The following SGMS1 variants were observed in gnomAD, a reference collection of about 807,000 sequenced individuals.
SGMS1 encodes sphingomyelin synthase 1, also known as phosphatidylcholine:ceramide cholinephosphotransferase 1.
A neutral mutation model predicts 46.2 loss-of-function variants in SGMS1; 13 were observed. The ratio of observed to expected loss-of-function variants is 0.28; its 90% CI spans 0.18 to 0.45. The LOEUF (loss-of-function observed/expected upper bound fraction) is 0.45. Among genes scored for constraint, SGMS1 ranks in the 20% least tolerant of loss-of-function variants. The pLI, the probability that SGMS1 is intolerant of heterozygous loss-of-function variation, is 1.00. For missense variants in SGMS1, 324 were observed against 519.9 expected, an observed-to-expected ratio of 0.62 and a Z score of 3.66; for synonymous variants, 203 against 187.8, an observed-to-expected ratio of 1.08 and a Z score of -0.66.
At chr10:50,455,004 T>A (rs1280166843) in intron 5 of SGMS1, among the ~76,000 whole-genome samples, 1 of 152,206 alleles carries the variant, frequency 6.6e-6, no homozygotes, top group Non-Finnish European at 1.5e-5. Context: ...CTTGTCTCCC[T>A]GAAGACCCTG....
At chr10:50,548,363 A>G (rs1838119146) in intron 2 of SGMS1, among the ~76,000 whole-genome samples, 1 of 152,228 alleles carries the variant, frequency 6.6e-6, no homozygotes, top group Non-Finnish European at 1.5e-5. Context: ...AAAAACAGAC[A>G]CATAAACTAA....
At chr10:50,538,150 G>A (rs1838020071) in intron 2 of SGMS1, among the ~76,000 whole-genome samples, 1 of 117,128 alleles carries the variant, frequency 8.5e-6, no homozygotes, top group African/African-American at 3.3e-5. Flanking sequence ...TGGATAAGAT[G>A]CAGATAAAAC....
Position 50,623,714 on chromosome 10 carries a change from G to A in SGMS1, c.-691C>T. 1 of 985,416 alleles carries A rather than the reference G, an allele frequency of 1.0e-6. No homozygotes were observed. Among genetic ancestry groups the A allele is most frequent in the South Asian group, 4.7e-5 (1 of 21,292 alleles). 61.0% of individuals were successfully genotyped at this position (985,416 alleles called of 1,614,324 possible). On this transcript the variant is annotated 5_prime_UTR_variant, in exon 1 of 11. Transcript: ENST00000361781. Reference sequence around the variant, plus strand: ...CCCTGCCCCACGACTCACTTGCACTGGAGTCACGGCAGCCGCCGGAATTCC... The same window carrying A: ...CCCTGCCCCACGACTCACTTGCACTAGAGTCACGGCAGCCGCCGGAATTCC...
chr10:50,533,966 C>T (rs1045486691), intron 2 of SGMS1, among the ~76,000 whole-genome samples: 2 of 152,160 alleles, frequency 1.3e-5, no homozygotes, highest in Non-Finnish European at 2.9e-5. Context: ...AGAAGGATCA[C>T]TTGAGCCCAG....
intron 5 of SGMS1, among the ~76,000 whole-genome samples, chr10:50,444,451 C>T (rs892530725): frequency 3.3e-5 from 5 of 152,168 alleles, no homozygotes; most frequent in Non-Finnish European, 2.9e-5. Flanking sequence ...TAGACACACA[C>T]ATATACGACC....
chr10:50,612,108 C>T (rs1218428123), intron 1 of SGMS1, among the ~76,000 whole-genome samples: 2 of 152,196 alleles, frequency 1.3e-5, no homozygotes, highest in Non-Finnish European at 2.9e-5. Flanking sequence ...CCATCCTGCC[C>T]CAGGGCTTTT....
intron 8 of SGMS1, among the ~76,000 whole-genome samples, chr10:50,313,460 C>A (rs1232289591): frequency 6.6e-6 from 1 of 152,164 alleles, no homozygotes; most frequent in Non-Finnish European, 1.5e-5. Context: ...GGAAAAGGCG[C>A]TGTTGGGGTC....
intron 6 of SGMS1, among the ~76,000 whole-genome samples, chr10:50,384,388 TC>T (rs1341698249): frequency 1.3e-5 from 2 of 149,658 alleles, no homozygotes; most frequent in East Asian, 1.9e-4. Flanking sequence ...TTTCTTTTTC[TC>T]TCTCTCTCTC....
intron 2 of SGMS1, among the ~76,000 whole-genome samples, chr10:50,559,890 A>G (rs1441230210): frequency 2.0e-5 from 3 of 152,022 alleles, no homozygotes; most frequent in African/African-American, 7.2e-5. Flanking sequence ...AACATCTAAC[A>G]CCTCTTCTTT....
In SGMS1 at chr10:50,575,351, C is replaced by T. The variant is rs766053946; in HGVS notation, c.-589+14802G>A. ...GGTGGATCACATGAGGCCAGGAGTT[C>T]GAGACCAGCCTAGGCAGCCTAGCAA... On this transcript the variant is annotated intron_variant, in intron 2 of 10. Coordinates refer to ENST00000361781, the MANE Select transcript of SGMS1 (RefSeq NM_147156.4). Among the ~76,000 whole-genome samples, 10 of 152,042 alleles carry T rather than the reference C, an allele frequency of 6.6e-5. No homozygotes were observed. The South Asian group carries it at 1.0e-3, about 16-fold the overall frequency.
At chr10:50,412,195 T>C (rs913224807) in intron 6 of SGMS1, among the ~76,000 whole-genome samples, 2 of 152,158 alleles carry the variant, frequency 1.3e-5, no homozygotes, top group African/African-American at 4.8e-5. Flanking sequence ...TCAAGTCACA[T>C]GTTTATGTGA....
chr10:50,464,667 C>T (rs1837308691), intron 4 of SGMS1, among the ~76,000 whole-genome samples: 1 of 152,242 alleles, frequency 6.6e-6, no homozygotes, highest in Non-Finnish European at 1.5e-5. Flanking sequence ...CTCCTGACTT[C>T]AAGTGATTTG....
intron 3 of SGMS1, among the ~76,000 whole-genome samples, chr10:50,478,999 C>G (rs1481055586): frequency 3.6e-5 from 5 of 137,670 alleles, no homozygotes; most frequent in Non-Finnish European, 6.7e-5. Context: ...CCATCCACCC[C>G]CCAACCAGTT....
intron 5 of SGMS1, among the ~76,000 whole-genome samples, chr10:50,457,473 C>T (rs562071026): frequency 6.6e-6 from 1 of 152,082 alleles, no homozygotes; most frequent in South Asian, 2.1e-4. Context: ...GTTTGTTACA[C>T]GGGTAGGTTG....
chr10:50,600,612 A>G (rs7903649), intron 1 of SGMS1, among the ~76,000 whole-genome samples: 100,092 of 152,154 alleles, frequency 0.66, 33,359 homozygotes, highest in Middle Eastern at 0.68. Flanking sequence ...AGCAGATGCC[A>G]AATTGATGGA....
intron 2 of SGMS1, among the ~76,000 whole-genome samples, chr10:50,581,995 C>T (rs1287095111): frequency 6.6e-6 from 1 of 152,248 alleles, no homozygotes; most frequent in African/African-American, 2.4e-5. Context: ...TGCAAGGAAA[C>T]AGCAACCGCA....
intron 6 of SGMS1, among the ~76,000 whole-genome samples, chr10:50,401,271 C>T (rs888081938): frequency 6.6e-6 from 1 of 152,166 alleles, no homozygotes; most frequent in African/African-American, 2.4e-5. Flanking sequence ...TCAGTGGCCA[C>T]CCTCTTAATC....
At position 50,408,257 on chromosome 10, in the gene SGMS1, G is replaced by C. The variant is rs947605346; in HGVS notation, c.-232+25219C>G. On this transcript the variant is annotated intron_variant, in intron 6 of 10. Transcript: ENST00000361781. ...TTGGCAGGGAACAAGTAGGTATAGA[G>C]AAAAGCAACATAGAAATACTAGCCC... is the stretch of plus-strand genomic sequence containing the variant. 6.6e-5 allele frequency among the ~76,000 whole-genome samples: 10 copies of C among 151,932 alleles called. 1 individual carries two copies. Among genetic ancestry groups the C allele is most frequent in the African/African-American group, 2.2e-4 (9 of 41,368 alleles).
At chr10:50,320,165 A>G (rs1330508216) in intron 8 of SGMS1, among the ~76,000 whole-genome samples, 4 of 152,002 alleles carry the variant, frequency 2.6e-5, no homozygotes, top group South Asian at 2.1e-4. Context: ...CACCTTCCCA[A>G]TGCCTCCCAA....
Sources: gnomAD v4.1 joint callset for allele counts (sites outside exome capture counted in the v4.1 genomes callset) on GRCh38, gnomAD v4.1.1 for gene constraint, MANE v1.5 for transcripts, NCBI Gene and HGNC (gene_info 2026-07-23, HGNC 2026-07-21) for gene names.